Variants in AGBL1 observed in about 807,000 individuals in gnomAD.
AGBL1 encodes the protein AGBL carboxypeptidase 1.
In AGBL1, 130 loss-of-function variants were observed where a neutral mutation model predicts 118.9. The observed-to-expected ratio is 1.09, with a 90% confidence interval of 0.95 to 1.26. The LOEUF (loss-of-function observed/expected upper bound fraction) is 1.26, where lower values mean the gene tolerates loss of function less well. Among genes scored for constraint, AGBL1 ranks in the 50% most tolerant of loss-of-function variants. The pLI, the probability that AGBL1 is intolerant of heterozygous loss-of-function variation, is 0.00. For synonymous variants in AGBL1, 555 were observed against 478.9 expected, an observed-to-expected ratio of 1.16 and a Z score of -2.08; for missense variants, 1,584 against 1,298.1, an observed-to-expected ratio of 1.22 and a Z score of -3.38.
chr15:86,910,685 C>T lies in AGBL1; in HGVS notation c.*3391C>T, dbSNP rs947540403. 6 of 152,098 alleles carry T rather than the reference C, an allele frequency of 3.9e-5. No homozygotes were observed. The highest frequency in any genetic ancestry group is 2.1e-4 in the South Asian group (1 of 4,814). The allele number at this position is 152,098 out of a possible 1,614,324, so 9.4% of individuals were successfully genotyped here. A position where few individuals can be genotyped will look rare whatever the true frequency, so the allele number is the denominator to read the frequency against. ...TTGGTGGCCTACATGATAGCCCGTT[C>T]GAAAGGTTTCCTAGAAATCAGAGGT... On this transcript the variant is annotated 3_prime_UTR_variant, in exon 23 of 23. Coordinates refer to ENST00000614907, the MANE Select transcript of AGBL1 (RefSeq NM_001386094.1).
chr15:86,510,491 G>C (rs2142177080), intron 18 of AGBL1, among the ~76,000 whole-genome samples: 1 of 152,220 alleles, frequency 6.6e-6, no homozygotes, highest in Non-Finnish European at 1.5e-5. Flanking sequence ...TAATTTCTGA[G>C]CTTCTTTGAG....
chr15:86,169,759 T>G (rs1267440061), intron 5 of AGBL1, among the ~76,000 whole-genome samples: 2 of 152,206 alleles, frequency 1.3e-5, no homozygotes, highest in Admixed American at 1.3e-4. Flanking sequence ...CCACAGTTGG[T>G]TGAATCCATG....
At chr15:86,257,886 C>G in intron 8 of AGBL1, 78 bp from the exon 9 acceptor site, 2 of 1,406,162 alleles carry the variant, frequency 1.4e-6, no homozygotes, top group Admixed American at 1.8e-5. Flanking sequence ...GAAAGAACCA[C>G]TGTATGGTGA....
intron 22 of AGBL1, among the ~76,000 whole-genome samples, chr15:86,704,490 C>T (rs2086413913): frequency 1.3e-5 from 2 of 152,148 alleles, no homozygotes; most frequent in Admixed American, 1.3e-4. Flanking sequence ...TATGAACAGA[C>T]ACTTCTCAAG....
At chr15:86,717,595 T>C (rs2086657129) in intron 22 of AGBL1, among the ~76,000 whole-genome samples, 1 of 152,304 alleles carries the variant, frequency 6.6e-6, no homozygotes, top group Non-Finnish European at 1.5e-5. Context: ...GATTGGCCAG[T>C]TGCCCTAGGG....
chr15:86,825,423 A>AAAAAG (rs2078994510), intron 22 of AGBL1, among the ~76,000 whole-genome samples: 1 of 129,192 alleles, frequency 7.7e-6, no homozygotes. Context: ...AAAAAAAAAA[A>AAAAAG]GGTTGCAAGC....
At chr15:86,850,905 T>A (rs1302887474) in intron 22 of AGBL1, among the ~76,000 whole-genome samples, 1 of 152,242 alleles carries the variant, frequency 6.6e-6, no homozygotes, top group African/African-American at 2.4e-5. Flanking sequence ...ACTTAGATAC[T>A]GTGTGAAGCA....
intron 22 of AGBL1, among the ~76,000 whole-genome samples, chr15:86,724,111 C>T (rs896678665): frequency 2.6e-5 from 4 of 151,916 alleles, no homozygotes; most frequent in African/African-American, 9.7e-5. Flanking sequence ...TGGCGGGCGC[C>T]TGTAGTCCCA....
intron 21 of AGBL1, among the ~76,000 whole-genome samples, chr15:86,614,276 A>G (rs2084693807): frequency 6.6e-6 from 1 of 152,306 alleles, no homozygotes; most frequent in African/African-American, 2.4e-5. Context: ...GGATGAATTT[A>G]GCTCATCCTT....
At chr15:86,822,060 T>G (rs577557005) in intron 22 of AGBL1, among the ~76,000 whole-genome samples, 11 of 152,306 alleles carry the variant, frequency 7.2e-5, no homozygotes, top group Admixed American at 6.5e-5. Flanking sequence ...CTGTTCAGTG[T>G]CCATGTGTGC....
At chr15:86,371,689 C>T (rs139960457) in intron 17 of AGBL1, among the ~76,000 whole-genome samples, 21 of 152,238 alleles carry the variant, frequency 1.4e-4, no homozygotes, top group Middle Eastern at 3.4e-3. Context: ...GTCCCAGTTT[C>T]CAACACCGTG....
chr15:86,503,688 C>G (rs2082942912), intron 18 of AGBL1, among the ~76,000 whole-genome samples: 1 of 151,230 alleles, frequency 6.6e-6, no homozygotes, highest in South Asian at 2.1e-4. Context: ...TTCTTTGACT[C>G]ATTCATTATT....
intron 23 of AGBL1, chr15:86,939,686 C>T (rs1472857676): frequency 6.6e-6 from 1 of 152,236 alleles, no homozygotes; most frequent in East Asian, 1.9e-4. Flanking sequence ...TGTTTCCCTG[C>T]AGATATGCCA....
At chr15:86,360,150 A>G (rs1457154309) in intron 17 of AGBL1, among the ~76,000 whole-genome samples, 1 of 151,860 alleles carries the variant, frequency 6.6e-6, no homozygotes, top group African/African-American at 2.4e-5. Flanking sequence ...GGCTTTCCCT[A>G]TTGATTATCA....
At chr15:86,513,291 A>G (rs2083074742) in intron 18 of AGBL1, among the ~76,000 whole-genome samples, 1 of 151,894 alleles carries the variant, frequency 6.6e-6, no homozygotes, top group Admixed American at 6.6e-5. Context: ...GGTGAGTTAT[A>G]TATAGAATAT....
intron 21 of AGBL1, among the ~76,000 whole-genome samples, chr15:86,565,245 T>A (rs930872845): frequency 1.3e-5 from 2 of 152,220 alleles, no homozygotes; most frequent in African/African-American, 2.4e-5. Flanking sequence ...CTCTGTTTTT[T>A]CCCCATCTTT....
intron 22 of AGBL1, among the ~76,000 whole-genome samples, chr15:86,901,023 AT>A (rs904048415): frequency 3.3e-5 from 5 of 152,218 alleles, no homozygotes; most frequent in African/African-American, 1.2e-4. Flanking sequence ...TAATCCCCAT[AT>A]TCTTCATTTA....
chr15:86,226,698 G>A (rs1189170921), intron 6 of AGBL1, among the ~76,000 whole-genome samples: 1 of 152,170 alleles, frequency 6.6e-6, no homozygotes, highest in Non-Finnish European at 1.5e-5. Flanking sequence ...CACCAGCCAT[G>A]CCTAGTAGGC....
At chr15:86,580,583 CATA>C (rs1225242979) in intron 21 of AGBL1, among the ~76,000 whole-genome samples, 3 of 151,864 alleles carry the variant, frequency 2.0e-5, no homozygotes, top group Non-Finnish European at 2.9e-5. Flanking sequence ...TTTTAGTTGA[CATA>C]ATAATTGTAC....
Sources: allele counts gnomAD v4.1 joint callset (sites outside exome capture counted in the v4.1 genomes callset), GRCh38; gene constraint gnomAD v4.1.1; transcripts MANE v1.5; gene names NCBI Gene and HGNC (gene_info 2026-07-23, HGNC 2026-07-21).